The following PPP1R9A variants were observed in gnomAD, a reference collection of about 807,000 sequenced individuals.
PPP1R9A encodes the protein protein phosphatase 1 regulatory subunit 9A.
PPP1R9A carries 59 observed loss-of-function variants against 141.9 expected under a neutral mutation model. The observed-to-expected ratio is 0.42, with a 90% CI of 0.34 to 0.52. The LOEUF is 0.52. Among genes scored for constraint, PPP1R9A ranks in the 20% least tolerant of loss-of-function variants. PPP1R9A has a pLI of 0.10. For synonymous variants in PPP1R9A, 500 were observed against 569.7 expected (o/e 0.88, Z 1.74); for missense variants, 1,444 against 1,611.9 (o/e 0.90, Z 1.78).
intron 2 of PPP1R9A, among the ~76,000 whole-genome samples, chr7:95,058,598 C>T (rs1010385604): frequency 2.0e-5 from 3 of 152,008 alleles, no homozygotes; most frequent in African/African-American, 4.8e-5. Flanking sequence ...TATGTCATGA[C>T]TATCAGGCCA....
chr7:95,160,706 C>A (rs1283952347), intron 4 of PPP1R9A, among the ~76,000 whole-genome samples: 1 of 152,006 alleles, frequency 6.6e-6, no homozygotes, highest in African/African-American at 2.4e-5. Flanking sequence ...TCCCCAGTTT[C>A]TATTGTTGCC....
intron 5 of PPP1R9A, among the ~76,000 whole-genome samples, chr7:95,177,847 G>A (rs755714910): frequency 6.6e-6 from 1 of 151,848 alleles, no homozygotes; most frequent in African/African-American, 2.4e-5. Context: ...ATATTTGGGA[G>A]CTGCACACCT....
chr7:95,241,997 C>T (rs1797533685), intron 8 of PPP1R9A, among the ~76,000 whole-genome samples: 1 of 152,134 alleles, frequency 6.6e-6, no homozygotes, highest in South Asian at 2.1e-4. Flanking sequence ...ACATATGCTG[C>T]CATTAGTGTT....
At chr7:95,269,529 G>A in intron 14 of PPP1R9A, 22 bp downstream of exon 14, 1 of 1,525,894 alleles carries the variant, frequency 6.6e-7, no homozygotes, top group Non-Finnish European at 8.9e-7. Flanking sequence ...TTCTTTTTCT[G>A]ACTTCATAAC....
chr7:95,211,679 G>A (rs907241132), intron 7 of PPP1R9A, among the ~76,000 whole-genome samples: 5 of 152,088 alleles, frequency 3.3e-5, no homozygotes, highest in African/African-American at 1.2e-4. Flanking sequence ...ATTACAGACT[G>A]ACATATAAAA....
chr7:95,142,398 G>C (rs965538354), intron 4 of PPP1R9A, among the ~76,000 whole-genome samples: 24 of 151,678 alleles, frequency 1.6e-4, no homozygotes, highest in Non-Finnish European at 3.1e-4. Context: ...CTTATACTTT[G>C]ATCTCATATC....
intron 2 of PPP1R9A, among the ~76,000 whole-genome samples, chr7:94,951,841 CTT>C (rs71528100): frequency 4.2e-5 from 6 of 142,596 alleles, no homozygotes; most frequent in South Asian, 2.2e-4. Flanking sequence ...CCATTTAGGA[CTT>C]TTTTTTTTTT....
intron 2 of PPP1R9A, among the ~76,000 whole-genome samples, chr7:95,034,883 T>G (rs1808228147): frequency 6.6e-6 from 1 of 152,222 alleles, no homozygotes; most frequent in Admixed American, 6.5e-5. Context: ...AGTAGAGCAT[T>G]ATGATTTCTG....
chr7:94,910,697 C>A lies in PPP1R9A; in HGVS notation c.584C>A (p.Thr195Asn). The A allele has an allele frequency of 1.9e-6, 3 of 1,614,174 alleles. No homozygotes were observed. The highest frequency in any genetic ancestry group is 2.5e-6 in the Non-Finnish European group (3 of 1,180,042). Residue 195 changes from threonine (T) to asparagine (N), a missense_variant, in exon 2 of 20, where the codon ACT becomes AAT. This residue lies in a region of PPP1R9A where 490 missense variants were observed against 521.1 expected (regional missense o/e 0.94). Coordinates refer to ENST00000433360, the MANE Select transcript of PPP1R9A (RefSeq NM_001166160.2). The surrounding 1 kb of genome is among the most constrained non-coding windows in gnomAD (Gnocchi z 4.5). Reference sequence around the variant, plus strand: ...TCCTTGGACAGCCTTAGCTCCCGAACTGAGGCTGTCTCCCCAACTGTGAGT... The same window carrying A: ...TCCTTGGACAGCCTTAGCTCCCGAAATGAGGCTGTCTCCCCAACTGTGAGT... ...TDSLDSLSSR[T>N]EAVSPTVSQL...
At chr7:94,972,428 G>A (rs979212242) in intron 2 of PPP1R9A, among the ~76,000 whole-genome samples, 2 of 147,800 alleles carry the variant, frequency 1.4e-5, no homozygotes, top group African/African-American at 5.0e-5. Flanking sequence ...TTTTTTCCCT[G>A]CAAATGTGAC....
At chr7:95,063,506 A>C (rs1812533503) in intron 2 of PPP1R9A, among the ~76,000 whole-genome samples, 1 of 152,200 alleles carries the variant, frequency 6.6e-6, no homozygotes, top group African/African-American at 2.4e-5. Context: ...TCAAGTCTGC[A>C]GTGAGCTGTG....
intron 2 of PPP1R9A, among the ~76,000 whole-genome samples, chr7:95,092,270 G>A (rs1242368828): frequency 6.6e-6 from 1 of 151,640 alleles, no homozygotes; most frequent in Non-Finnish European, 1.5e-5. Flanking sequence ...AGAAAGGAGT[G>A]GAAAGAGAGC....
chr7:95,189,506 G>A (rs976024950), intron 5 of PPP1R9A, among the ~76,000 whole-genome samples: 5 of 138,892 alleles, frequency 3.6e-5, no homozygotes, highest in South Asian at 2.3e-4. Flanking sequence ...GCGGGATCTC[G>A]GCTCACTGCA....
chr7:94,927,729 T>C (rs1793659320), intron 2 of PPP1R9A, among the ~76,000 whole-genome samples: 1 of 152,188 alleles, frequency 6.6e-6, no homozygotes, highest in East Asian at 1.9e-4. Context: ...TAAACATTTG[T>C]AGGATAGTGT....
chr7:95,103,045 T>G (rs771203890), intron 2 of PPP1R9A, among the ~76,000 whole-genome samples: 1 of 152,252 alleles, frequency 6.6e-6, no homozygotes, highest in Non-Finnish European at 1.5e-5. Flanking sequence ...GAAGACTGAC[T>G]TCCATCAGAG....
chr7:95,015,166 G>A (rs937282398), intron 2 of PPP1R9A, among the ~76,000 whole-genome samples: 3 of 151,512 alleles, frequency 2.0e-5, no homozygotes, highest in Non-Finnish European at 2.9e-5. Context: ...GATTATCATT[G>A]CTTCTAGTTG....
In PPP1R9A at chr7:94,908,126, G is replaced by C. The variant is rs1349889015; in HGVS notation, c.-217+424G>C. ...GGCGGCCCGACCCTCCCCGCCCGCG[G>C]CGCTCCCGCTCGGGTAAGGGGGAGG... is the stretch of plus-strand genomic sequence containing the variant. On this transcript the variant is annotated intron_variant, in intron 1 of 19. Coordinates refer to ENST00000433360, the MANE Select transcript of PPP1R9A (RefSeq NM_001166160.2). The C allele has an allele frequency of 2.0e-5, 3 of 150,550 alleles. No homozygotes were observed. The South Asian group carries it at 6.3e-4, about 31-fold the overall frequency. 9.3% of individuals were successfully genotyped at this position (150,550 alleles called of 1,614,324 possible). A position where few individuals can be genotyped will look rare whatever the true frequency, so the allele number is the denominator to read the frequency against.
rs1473900682 is a variant in PPP1R9A at position 95,198,465 on chromosome 7, A to G, written c.1871A>G (p.Tyr624Cys). Residue 624 changes from tyrosine (Y) to cysteine (C), a missense_variant, in exon 6 of 20, where the codon TAT becomes TGT. Physicochemically the swap from Tyr to Cys is radical, Grantham distance 194. Transcript: ENST00000433360. ...CTGCTGGAACAGCACTATGCCCAGT[A>G]TGATGCCGACGATGACGAGGTCAGT... The part of the protein sequence containing the change: ...RELLEQHYAQ[Y>C]DADDDENTVA... 6.3e-7 allele frequency: 1 copy of G among 1,594,586 alleles called. No homozygotes were observed. Among genetic ancestry groups the G allele is most frequent in the Non-Finnish European group, 8.5e-7 (1 of 1,173,652 alleles).
intron 2 of PPP1R9A, among the ~76,000 whole-genome samples, chr7:94,993,408 G>T (rs77248703): frequency 0.013 from 2,042 of 152,130 alleles, 50 homozygotes; most frequent in African/African-American, 0.047. Context: ...ATGAATTTTA[G>T]AATTAGCTTG....
Sources: allele counts gnomAD v4.1 joint callset (sites outside exome capture counted in the v4.1 genomes callset), GRCh38; gene constraint gnomAD v4.1.1; regional missense constraint gnomAD v4.1.1; non-coding constraint Gnocchi (gnomAD v3.1); transcripts MANE v1.5; gene names NCBI Gene and HGNC (gene_info 2026-07-23, HGNC 2026-07-21).